LYNX1: variants seen among roughly 807,000 people sequenced by gnomAD.
LYNX1 encodes ly-6/neurotoxin-like protein 1.
A neutral mutation model predicts 8.3 loss-of-function variants in LYNX1; 8 were observed. That is an observed-to-expected ratio of 0.97 (90% CI 0.57 to 1.74). The LOEUF (loss-of-function observed/expected upper bound fraction) is 1.74. Ranked by LOEUF, LYNX1 falls within the 40% of genes most tolerant of loss-of-function variation. LYNX1 has a pLI of 0.00. For synonymous variants in LYNX1, 73 were observed against 67.9 expected (o/e 1.08, Z -0.37); for missense variants, 158 against 159.7 (o/e 0.99, Z 0.06).
upstream of LYNX1, chr8:142,777,363 C>T (rs1815468337): frequency 5.1e-6 from 1 of 196,832 alleles, no homozygotes; most frequent in African/African-American, 2.3e-5. Context: ...GAGCTCACCG[C>T]AGGCCCCGCC....
Position 142,774,152 on chromosome 8 carries a change from C to T in LYNX1, c.*1015G>A. The T allele has an allele frequency of 1.0e-6, 1 of 959,478 alleles. No individual in the cohort carries two copies. The highest frequency in any genetic ancestry group is 1.2e-4 in the East Asian group (1 of 8,462). 59.4% of individuals were successfully genotyped at this position (959,478 alleles called of 1,614,324 possible). A position where few individuals can be genotyped will look rare whatever the true frequency, so the allele number is the denominator to read the frequency against. On this transcript the variant is annotated 3_prime_UTR_variant, in exon 4 of 4. Coordinates refer to ENST00000652477, the MANE Select transcript of LYNX1 (RefSeq NM_177477.4). ...GGGAGGGGCTGGGTCTCCGCCCTCCCCACCCCACCCTCCCCACTCCCGCCC... is the reference window on the plus strand; with the variant it reads ...GGGAGGGGCTGGGTCTCCGCCCTCCTCACCCCACCCTCCCCACTCCCGCCC...
Position 142,774,436 on chromosome 8 carries a change from A to G in LYNX1, c.*731T>C. The G allele has an allele frequency of 1.0e-6, 1 of 985,864 alleles. No homozygotes were observed. Among genetic ancestry groups the G allele is most frequent in the Non-Finnish European group, 1.2e-6 (1 of 830,156 alleles). 61.1% of individuals were successfully genotyped at this position (985,864 alleles called of 1,614,324 possible). A position where few individuals can be genotyped will look rare whatever the true frequency, so the allele number is the denominator to read the frequency against. ...ATATAGCATGGCCCTAGCTCCTGCCAGCTTCAGGCCTGGTGCCCTCCCCGT... is the reference window on the plus strand; with the variant it reads ...ATATAGCATGGCCCTAGCTCCTGCCGGCTTCAGGCCTGGTGCCCTCCCCGT... On this transcript the variant is annotated 3_prime_UTR_variant, in exon 4 of 4. Transcript: ENST00000652477.
rs374446309 is a variant in LYNX1 at position 142,775,394 on chromosome 8, C to G, written c.155-31G>C. 1.3e-4 allele frequency: 214 copies of G among 1,607,366 alleles called. No homozygotes were observed. The African/African-American group carries it at 2.3e-3, about 17-fold the overall frequency. ...GAGGGGCGGGGCGGTGAGCCAGCTC[C>G]GCTAAGAGGGGCAGGAGACCCAGCT... On this transcript the variant is annotated intron_variant, in intron 3 of 3. Transcript: ENST00000652477.
Position 142,771,211 on chromosome 8 carries a change from G to A in LYNX1, c.*3956C>T, listed in dbSNP as rs1348895470. The A allele has an allele frequency of 5.1e-6, 5 of 985,394 alleles. No individual in the cohort carries two copies. Among genetic ancestry groups the A allele is most frequent in the African/African-American group, 1.7e-5 (1 of 57,236 alleles). 61.0% of individuals were successfully genotyped at this position (985,394 alleles called of 1,614,324 possible). A position where few individuals can be genotyped will look rare whatever the true frequency, so the allele number is the denominator to read the frequency against. On this transcript the variant is annotated 3_prime_UTR_variant, in exon 4 of 4. Transcript: ENST00000652477. Reference sequence around the variant, plus strand: ...AGAGAAGCGCAGACAATGCGAATCTGTTGATTTATTTACGGCTCGGTGAGA... The same window carrying A: ...AGAGAAGCGCAGACAATGCGAATCTATTGATTTATTTACGGCTCGGTGAGA...
In LYNX1 at chr8:142,771,386, G is replaced by C. The variant is rs115847320; in HGVS notation, c.*3781C>G. 705 of 985,550 alleles carry C rather than the reference G, an allele frequency of 7.2e-4. 4 individuals are homozygous for C. The African/African-American group carries it at 0.011, about 16-fold the overall frequency. 61.1% of individuals were successfully genotyped at this position (985,550 alleles called of 1,614,324 possible). ...CTTATGCCCACGACCAGCTGAGCCA[G>C]ACCAGCATTCCCATTTCACCACCCC... is the stretch of plus-strand genomic sequence containing the variant. On this transcript the variant is annotated 3_prime_UTR_variant, in exon 4 of 4. Coordinates refer to ENST00000652477, the MANE Select transcript of LYNX1 (RefSeq NM_177477.4).
rs114456330 is a variant in LYNX1 at position 142,774,341 on chromosome 8, C to T, written c.*826G>A. 2.5e-3 allele frequency: 2,508 copies of T among 985,992 alleles called. 48 individuals carry two copies. The African/African-American group carries it at 0.04, about 16-fold the overall frequency. 61.1% of individuals were successfully genotyped at this position (985,992 alleles called of 1,614,324 possible). ...TGGTTGGGGACCAGGACTCGGGGGA[C>T]CACCTGCTCTGCCCCTTTCCCTCCC... is the stretch of plus-strand genomic sequence containing the variant. On this transcript the variant is annotated 3_prime_UTR_variant, in exon 4 of 4. Coordinates refer to ENST00000652477, the MANE Select transcript of LYNX1 (RefSeq NM_177477.4).
chr8:142,775,640 G>T lies in LYNX1; in HGVS notation c.107C>A (p.Pro36His), dbSNP rs1301532468. ...GGCAACCATAGCCGGGCAGCGCATG[G>T]GGTTGAAGCAGTTGTCTCCGTTGTA... ...CAYNGDNCFN[P>H]MRCPAMVAYC... Residue 36 changes from proline to histidine, a missense_variant, in exon 3 of 4, where the codon CCC (proline) becomes CAC (histidine). Physicochemically the swap from Pro to His is moderately conservative, Grantham distance 77. Transcript: ENST00000652477. The T allele has an allele frequency of 6.2e-7, 1 of 1,603,982 alleles. No homozygotes were observed. Among genetic ancestry groups the T allele is most frequent in the East Asian group, 2.3e-5 (1 of 44,442 alleles).
chr8:142,772,816 G>T lies in LYNX1; in HGVS notation c.*2351C>A. 1.0e-6 allele frequency: 1 copy of T among 985,770 alleles called. No homozygotes were observed. The highest frequency in any genetic ancestry group is 1.2e-6 in the Non-Finnish European group (1 of 830,172). 61.1% of individuals were successfully genotyped at this position (985,770 alleles called of 1,614,324 possible). The stretch of plus-strand genomic sequence containing the variant: ...GCTGAGTGCCTTCTGTGTGCTCTAC[G>T]CCAGGTGCCAAGGGCAGGCCAGCCA... On this transcript the variant is annotated 3_prime_UTR_variant, in exon 4 of 4. Transcript: ENST00000652477.
In LYNX1 at chr8:142,773,998, C is replaced by T; in HGVS notation, c.*1169G>A. 1 of 985,376 alleles carries T rather than the reference C, an allele frequency of 1.0e-6. No individual in the cohort carries two copies. The highest frequency in any genetic ancestry group is 1.2e-6 in the Non-Finnish European group (1 of 829,946). 61.0% of individuals were successfully genotyped at this position (985,376 alleles called of 1,614,324 possible). A position where few individuals can be genotyped will look rare whatever the true frequency, so the allele number is the denominator to read the frequency against. On this transcript the variant is annotated 3_prime_UTR_variant, in exon 4 of 4. Coordinates refer to ENST00000652477, the MANE Select transcript of LYNX1 (RefSeq NM_177477.4). ...GTGCGTGTTGGGCTGACCCCTGCTT[C>T]CCAGGCCTGGGGTGGGGTCCCTGGG...
In LYNX1 at chr8:142,774,546, C is replaced by T; in HGVS notation, c.*621G>A. 1.0e-6 allele frequency: 1 copy of T among 985,754 alleles called. No homozygotes were observed. The highest frequency in any genetic ancestry group is 1.2e-6 in the Non-Finnish European group (1 of 830,174). The allele number at this position is 985,754 out of a possible 1,614,324, so 61.1% of individuals were successfully genotyped here. Reference sequence around the variant, plus strand: ...GAAAAAGCTTCTGTGACTTCGGGGGCCCTGGGGCCTGCTGAGGCAGAGCCG... The same window carrying T: ...GAAAAAGCTTCTGTGACTTCGGGGGTCCTGGGGCCTGCTGAGGCAGAGCCG... On this transcript the variant is annotated 3_prime_UTR_variant, in exon 4 of 4. Transcript: ENST00000652477.
Position 142,772,220 on chromosome 8 carries a change from A to T in LYNX1, c.*2947T>A, listed in dbSNP as rs373807167. 20 of 986,028 alleles carry T rather than the reference A, an allele frequency of 2.0e-5. No individual in the cohort carries two copies. The East Asian group carries it at 1.0e-3, about 50-fold the overall frequency. 61.1% of individuals were successfully genotyped at this position (986,028 alleles called of 1,614,324 possible). On this transcript the variant is annotated 3_prime_UTR_variant, in exon 4 of 4. Coordinates refer to ENST00000652477, the MANE Select transcript of LYNX1 (RefSeq NM_177477.4). ...GTCCACACAGACAGTGGCAACAGCT[A>T]GCCCTGGGCATCTACCCCCATGAAG...
At position 142,771,996 on chromosome 8, in the gene LYNX1, G is replaced by C; in HGVS notation, c.*3171C>G. 2.0e-6 allele frequency: 2 copies of C among 986,102 alleles called. No individual in the cohort carries two copies. The highest frequency in any genetic ancestry group is 2.4e-6 in the Non-Finnish European group (2 of 830,092). The allele number at this position is 986,102 out of a possible 1,614,324, so 61.1% of individuals were successfully genotyped here. On this transcript the variant is annotated 3_prime_UTR_variant, in exon 4 of 4. Transcript: ENST00000652477. ...CTCTAGTGGCTGATTGCAGTTCCCA[G>C]AATGTATAACATCCCAGGGTGCCAG...
At chr8:142,777,559 G>A (rs1284170740), upstream of LYNX1, among the ~76,000 whole-genome samples, 4 of 117,086 alleles carry the variant, frequency 3.4e-5, no homozygotes, top group African/African-American at 1.4e-4. Context: ...CACCCGCCGA[G>A]CCGAGTTCAC....
At position 142,774,455 on chromosome 8, in the gene LYNX1, T is replaced by G. The variant is rs183485365; in HGVS notation, c.*712A>C. The G allele has an allele frequency of 3.3e-5, 33 of 985,720 alleles. No homozygotes were observed. In the East Asian group the frequency reaches 3.4e-3, roughly 102 times the overall value. The allele number at this position is 985,720 out of a possible 1,614,324, so 61.1% of individuals were successfully genotyped here. A position where few individuals can be genotyped will look rare whatever the true frequency, so the allele number is the denominator to read the frequency against. Reference sequence around the variant, plus strand: ...CCTGCCAGCTTCAGGCCTGGTGCCCTCCCCGTGAGGGGGTGGGAAACGTCA... The same window carrying G: ...CCTGCCAGCTTCAGGCCTGGTGCCCGCCCCGTGAGGGGGTGGGAAACGTCA... On this transcript the variant is annotated 3_prime_UTR_variant, in exon 4 of 4. Transcript: ENST00000652477.
chr8:142,776,024 G>T lies in LYNX1; in HGVS notation c.-67C>A. ...AGCAGCTAGCCCTGGATCCAACTCA[G>T]GGGTGGCGCACAGAGGATCCAACTC... On this transcript the variant is annotated 5_prime_UTR_variant, in exon 2 of 4. The change creates a new upstream start codon in the 5' untranslated region. Coordinates refer to ENST00000652477, the MANE Select transcript of LYNX1 (RefSeq NM_177477.4). 1.5e-6 allele frequency: 2 copies of T among 1,375,044 alleles called. No individual in the cohort carries two copies. Among genetic ancestry groups the T allele is most frequent in the South Asian group, 2.7e-5 (2 of 72,970 alleles). 85.2% of individuals were successfully genotyped at this position (1,375,044 alleles called of 1,614,324 possible). A position where few individuals can be genotyped will look rare whatever the true frequency, so the allele number is the denominator to read the frequency against.
At position 142,774,158 on chromosome 8, in the gene LYNX1, C is replaced by T. The variant is rs587658079; in HGVS notation, c.*1009G>A. ...GGCTGGGTCTCCGCCCTCCCCACCC[C>T]ACCCTCCCCACTCCCGCCCCCGCAC... On this transcript the variant is annotated 3_prime_UTR_variant, in exon 4 of 4. Transcript: ENST00000652477. The T allele has an allele frequency of 6.1e-6, 6 of 981,534 alleles. No homozygotes were observed. In the African/African-American group the frequency reaches 7.1e-5, roughly 12 times the overall value. The allele number at this position is 981,534 out of a possible 1,614,324, so 60.8% of individuals were successfully genotyped here. A position where few individuals can be genotyped will look rare whatever the true frequency, so the allele number is the denominator to read the frequency against.
chr8:142,774,683 G>A lies in LYNX1; in HGVS notation c.*484C>T, dbSNP rs891721277. On this transcript the variant is annotated 3_prime_UTR_variant, in exon 4 of 4. Coordinates refer to ENST00000652477, the MANE Select transcript of LYNX1 (RefSeq NM_177477.4). ...CCCTGATCCCGTACCGGTCCTGGCA[G>A]CTCCTGGCCTCAGTAGGAAGCGTGA... is the stretch of plus-strand genomic sequence containing the variant. The A allele has an allele frequency of 2.0e-6, 2 of 994,256 alleles. No homozygotes were observed. Among genetic ancestry groups the A allele is most frequent in the South Asian group, 9.2e-5 (2 of 21,854 alleles). 61.6% of individuals were successfully genotyped at this position (994,256 alleles called of 1,614,324 possible).
In LYNX1 at chr8:142,772,254, C is replaced by T. The variant is rs148776165; in HGVS notation, c.*2913G>A. The T allele has an allele frequency of 6.7e-4, 656 of 985,982 alleles. 5 individuals carry two copies. The African/African-American group carries it at 8.9e-3, about 13-fold the overall frequency. 61.1% of individuals were successfully genotyped at this position (985,982 alleles called of 1,614,324 possible). On this transcript the variant is annotated 3_prime_UTR_variant, in exon 4 of 4. Coordinates refer to ENST00000652477, the MANE Select transcript of LYNX1 (RefSeq NM_177477.4). ...CATCTACCCCCATGAAGGGGACCCT[C>T]GGTTCTGCGAGAGAGATCCCCGAAG...
rs1815241545 is a variant in LYNX1, at chr8:142,772,862, T to C, written c.*2305A>G. ...AGCCAGGCAGAACCATGTGTGGGGC[T>C]GGGACAGGTCAGGGTGGTGGAAAGG... is the stretch of plus-strand genomic sequence containing the variant. On this transcript the variant is annotated 3_prime_UTR_variant, in exon 4 of 4. Coordinates refer to ENST00000652477, the MANE Select transcript of LYNX1 (RefSeq NM_177477.4). 1.0e-6 allele frequency: 1 copy of C among 985,950 alleles called. No individual in the cohort carries two copies. Among genetic ancestry groups the C allele is most frequent in the African/African-American group, 1.7e-5 (1 of 57,358 alleles). 61.1% of individuals were successfully genotyped at this position (985,950 alleles called of 1,614,324 possible). A position where few individuals can be genotyped will look rare whatever the true frequency, so the allele number is the denominator to read the frequency against.
Sources: allele counts gnomAD v4.1 joint callset (sites outside exome capture counted in the v4.1 genomes callset), GRCh38; gene constraint gnomAD v4.1.1; transcripts MANE v1.5; gene names NCBI Gene and HGNC (gene_info 2026-07-23, HGNC 2026-07-21).